The following ENOX2 variants were observed in gnomAD, a reference collection of about 807,000 sequenced individuals.
ENOX2 encodes ecto-NOX disulfide-thiol exchanger 2.
A neutral mutation model predicts 45.0 loss-of-function variants in ENOX2; 36 were observed. That is an observed-to-expected ratio of 0.80 (90% CI 0.61 to 1.06). The LOEUF is 1.06. ENOX2 is among the 50% of genes least tolerant of loss of function. The probability of loss-of-function intolerance (pLI) is 0.00; values close to 1 mark genes in which losing one functional copy is unlikely to be tolerated. For synonymous variants in ENOX2, 174 were observed against 152.3 expected (o/e 1.14, Z -1.05); for missense variants, 423 against 462.5 (o/e 0.91, Z 0.78).
chrX:130,875,463 T>C (rs997699470), intron 2 of ENOX2, among the ~76,000 whole-genome samples: 1 of 111,506 alleles, frequency 9.0e-6, no homozygotes, highest in Non-Finnish European at 1.9e-5. Context: ...GGCAGGCATA[T>C]AGACAAAAGG....
At chrX:130,828,496 G>C (rs2077760902) in intron 2 of ENOX2, among the ~76,000 whole-genome samples, 1 of 111,950 alleles carries the variant, frequency 8.9e-6, no homozygotes, top group Admixed American at 9.5e-5. Context: ...ATTTATGTTT[G>C]TAATTAATAC....
At chrX:130,707,204 C>A (rs2148231013) in intron 3 of ENOX2, among the ~76,000 whole-genome samples, 1 of 111,707 alleles carries the variant, frequency 9.0e-6, no homozygotes, top group Admixed American at 9.5e-5. Flanking sequence ...ATACCTACCC[C>A]AAGTCTGAAG....
chrX:130,694,883 G>C (rs1168343184), intron 4 of ENOX2, among the ~76,000 whole-genome samples: 2 of 111,201 alleles, frequency 1.8e-5, no homozygotes, highest in African/African-American at 6.5e-5. Context: ...TTTGTGGTAG[G>C]GGAGAGGAAT....
chrX:130,758,007 T>A (rs1171813699), intron 3 of ENOX2, among the ~76,000 whole-genome samples: 1 of 112,279 alleles, frequency 8.9e-6, no homozygotes, highest in Non-Finnish European at 1.9e-5. Flanking sequence ...TGACAATAAA[T>A]GACTTTATAC....
At chrX:130,640,856 A>C (rs1193645053) in intron 10 of ENOX2, among the ~76,000 whole-genome samples, 1 of 111,446 alleles carries the variant, frequency 9.0e-6, no homozygotes, top group African/African-American at 3.3e-5. Flanking sequence ...CCACAATGGC[A>C]CGCATTTAGC....
intron 10 of ENOX2, among the ~76,000 whole-genome samples, chrX:130,641,330 GA>G (rs1321552490): frequency 2.7e-5 from 3 of 111,428 alleles, no homozygotes; most frequent in African/African-American, 9.8e-5. Flanking sequence ...GGAGTTAAGA[GA>G]AAAAAAATCA....
intron 4 of ENOX2, among the ~76,000 whole-genome samples, chrX:130,694,988 A>G (rs1055141926): frequency 2.7e-5 from 3 of 111,902 alleles, no homozygotes; most frequent in Non-Finnish European, 5.6e-5. Context: ...ATGGGAAATA[A>G]TATTCCCTAT....
intron 2 of ENOX2, among the ~76,000 whole-genome samples, chrX:130,900,042 A>T (rs1283875092): frequency 8.9e-6 from 1 of 112,039 alleles, no homozygotes; most frequent in Non-Finnish European, 1.9e-5. Flanking sequence ...ACAGAGTAGC[A>T]GCCTCATCAT....
At chrX:130,645,355 A>G (rs1321434734) in intron 10 of ENOX2, among the ~76,000 whole-genome samples, 1 of 111,846 alleles carries the variant, frequency 8.9e-6, no homozygotes, top group Non-Finnish European at 1.9e-5. Flanking sequence ...TTTTAATGAG[A>G]ACCAAATAAT....
intron 2 of ENOX2, among the ~76,000 whole-genome samples, chrX:130,888,858 T>C (rs1425086101): frequency 8.9e-6 from 1 of 111,753 alleles, no homozygotes; most frequent in African/African-American, 3.3e-5. Flanking sequence ...AATTCTCTCT[T>C]TCCTTTCTGG....
At position 130,750,607 on chromosome X, in the gene ENOX2, A is replaced by T. The variant is rs765078765; in HGVS notation, c.-39+32940T>A. Reference sequence around the variant, plus strand: ...TGTTTCTTGTCTTTTGGCCTATAACACATGGTATCTGTCCAACTCTTTCAG... The same window carrying T: ...TGTTTCTTGTCTTTTGGCCTATAACTCATGGTATCTGTCCAACTCTTTCAG... On this transcript the variant is annotated intron_variant, in intron 3 of 14. Coordinates refer to ENST00000394363, the MANE Select transcript of ENOX2 (RefSeq NM_006375.4). 1.1e-3 allele frequency among the ~76,000 whole-genome samples: 127 copies of T among 110,921 alleles called. 1 individual carries two copies. The highest frequency in any genetic ancestry group is 4.1e-3 in the African/African-American group (125 of 30,473).
chrX:130,734,221 G>A (rs1441822795), intron 3 of ENOX2, among the ~76,000 whole-genome samples: 1 of 111,842 alleles, frequency 8.9e-6, no homozygotes, highest in Non-Finnish European at 1.9e-5. Flanking sequence ...TTTGGAAGCT[G>A]AGAGGTGTGT....
intron 2 of ENOX2, among the ~76,000 whole-genome samples, chrX:130,885,252 A>C (rs1416932200): frequency 3.6e-5 from 4 of 111,535 alleles, no homozygotes; most frequent in Non-Finnish European, 7.5e-5. Flanking sequence ...GGCACCCATC[A>C]ACCGAGAGGC....
intron 3 of ENOX2, among the ~76,000 whole-genome samples, chrX:130,719,351 GGCTACCT>G (rs2038411947): frequency 9.1e-6 from 1 of 109,988 alleles, no homozygotes; most frequent in Non-Finnish European, 1.9e-5. Flanking sequence ...TATAGAGTTA[GGCTACCT>G]GCTTAGGTGC....
At chrX:130,758,196 G>A (rs778441545) in intron 3 of ENOX2, among the ~76,000 whole-genome samples, 1 of 111,755 alleles carries the variant, frequency 8.9e-6, no homozygotes, top group Non-Finnish European at 1.9e-5. Flanking sequence ...ACATTGGTGT[G>A]GTCAAGACAC....
At chrX:130,857,824 A>C (rs1006782416) in intron 2 of ENOX2, among the ~76,000 whole-genome samples, 3 of 112,036 alleles carry the variant, frequency 2.7e-5, no homozygotes, top group African/African-American at 9.7e-5. Context: ...TGCTGAATTC[A>C]ATAAAAGTAT....
Position 130,703,255 on chromosome X carries a change from C to A in ENOX2, c.-38-1G>T, listed in dbSNP as rs1462178236. 6 of 1,182,325 alleles carry A rather than the reference C, an allele frequency of 5.1e-6. No homozygotes were observed. Among genetic ancestry groups the A allele is most frequent in the Non-Finnish European group, 6.8e-6 (6 of 882,287 alleles). Reference sequence around the variant, plus strand: ...ACGTTCAGAGTTCTACTGTTATCGGCTGAAAAGAAATGACAAGCAAAATAA... The same window carrying A: ...ACGTTCAGAGTTCTACTGTTATCGGATGAAAAGAAATGACAAGCAAAATAA... On this transcript the variant is annotated splice_acceptor_variant, in intron 3 of 14. Transcript: ENST00000394363. LOFTEE classifies it low-confidence loss of function (5UTR_SPLICE).
At chrX:130,878,363 A>C (rs1353055247) in intron 2 of ENOX2, among the ~76,000 whole-genome samples, 2 of 111,756 alleles carry the variant, frequency 1.8e-5, no homozygotes, top group Non-Finnish European at 3.8e-5. Flanking sequence ...TTCTTGTTAA[A>C]TGCCTCACAA....
At chrX:130,742,151 G>T (rs2038995996) in intron 3 of ENOX2, among the ~76,000 whole-genome samples, 1 of 109,526 alleles carries the variant, frequency 9.1e-6, no homozygotes, top group South Asian at 4.0e-4. Flanking sequence ...TTAAAGAATG[G>T]CTTATTAAAC....
Sources: gnomAD v4.1 joint callset for allele counts (sites outside exome capture counted in the v4.1 genomes callset) on GRCh38, gnomAD v4.1.1 for gene constraint, MANE v1.5 for transcripts, NCBI Gene and HGNC (gene_info 2026-07-23, HGNC 2026-07-21) for gene names.